SLC12A8: variants seen among roughly 807,000 people sequenced by gnomAD.
SLC12A8 encodes the protein solute carrier family 12 member 8, also known as cation-chloride cotransporter 9.
In SLC12A8, 69 loss-of-function variants were observed where a neutral mutation model predicts 75.6. The ratio of observed to expected loss-of-function variants is 0.91; its 90% CI spans 0.75 to 1.11. SLC12A8 has a LOEUF of 1.11. Among genes scored for constraint, SLC12A8 ranks in the 50% most tolerant of loss-of-function variants. The pLI, the probability that SLC12A8 is intolerant of heterozygous loss-of-function variation, is 0.00. For missense variants in SLC12A8, 877 were observed against 896.7 expected (o/e 0.98, Z 0.28); for synonymous variants, 365 against 372.8 (o/e 0.98, Z 0.24).
At chr3:125,120,186 C>T (rs1933015755) in intron 7 of SLC12A8, among the ~76,000 whole-genome samples, 1 of 152,056 alleles carries the variant, frequency 6.6e-6, no homozygotes, top group African/African-American at 2.4e-5. Flanking sequence ...TGCAGCCAAT[C>T]AGCGGCAGAG....
intron 5 of SLC12A8, among the ~76,000 whole-genome samples, chr3:125,139,711 G>A (rs1173959678): frequency 6.6e-6 from 1 of 152,214 alleles, no homozygotes; most frequent in East Asian, 1.9e-4. Flanking sequence ...GGCTAGCTAA[G>A]CATGGTGTGA....
chr3:125,096,804 T>C (rs1938722700), intron 10 of SLC12A8, among the ~76,000 whole-genome samples: 1 of 150,998 alleles, frequency 6.6e-6, no homozygotes, highest in Non-Finnish European at 1.5e-5. Context: ...ATTAATTAAA[T>C]TGTATAGTTT....
intron 5 of SLC12A8, among the ~76,000 whole-genome samples, chr3:125,153,568 G>A (rs760651405): frequency 5.9e-5 from 9 of 152,192 alleles, no homozygotes; most frequent in Non-Finnish European, 1.3e-4. Flanking sequence ...GGCAAGTGTC[G>A]CACTAAGTTC....
chr3:125,162,585 T>G (rs2107778559), intron 5 of SLC12A8, among the ~76,000 whole-genome samples: 1 of 152,320 alleles, frequency 6.6e-6, no homozygotes, highest in African/African-American at 2.4e-5. Flanking sequence ...TTCAGATTGT[T>G]TTTGGTCTTA....
chr3:125,118,922 T>C (rs2107749647), intron 7 of SLC12A8, 66 bp from the exon 8 acceptor site: 1 of 1,050,436 alleles, frequency 9.5e-7, no homozygotes, highest in Non-Finnish European at 1.5e-6. Flanking sequence ...TCCAATTCCC[T>C]CACTCAACCT....
At chr3:125,088,234 G>A (rs1245296920) in intron 13 of SLC12A8, 76 bp downstream of exon 13, 3 of 1,478,744 alleles carry the variant, frequency 2.0e-6, no homozygotes, top group Non-Finnish European at 2.8e-6. Context: ...GCCCAGCCAG[G>A]AATGGGACAC....
intron 10 of SLC12A8, among the ~76,000 whole-genome samples, chr3:125,094,651 C>A (rs563961450): frequency 6.6e-6 from 1 of 152,308 alleles, no homozygotes; most frequent in South Asian, 2.1e-4. Flanking sequence ...ATACTGTCTT[C>A]TCTCCCACCT....
At chr3:125,160,606 G>C (rs1039427739) in intron 5 of SLC12A8, among the ~76,000 whole-genome samples, 1 of 152,156 alleles carries the variant, frequency 6.6e-6, no homozygotes, top group Non-Finnish European at 1.5e-5. Context: ...TTGCAAATGC[G>C]AGTTTAGATG....
intron 5 of SLC12A8, among the ~76,000 whole-genome samples, chr3:125,148,001 G>T (rs1348963268): frequency 6.6e-6 from 1 of 152,142 alleles, no homozygotes; most frequent in Admixed American, 6.5e-5. Context: ...TGGCAACCTA[G>T]CGAGGCAGGC....
At chr3:125,084,827 T>A (rs1222393009) in intron 13 of SLC12A8, among the ~76,000 whole-genome samples, 1 of 152,188 alleles carries the variant, frequency 6.6e-6, no homozygotes, top group Non-Finnish European at 1.5e-5. Context: ...TCTTCCCGGG[T>A]CTCTTCCAGT....
chr3:125,178,124 A>G (rs1684239103), intron 4 of SLC12A8, 150 bp from the exon 5 acceptor site: 8 of 663,044 alleles, frequency 1.2e-5, no homozygotes, highest in Non-Finnish European at 2.1e-5. Flanking sequence ...GGGTTAAACC[A>G]GCCCTTCCCA....
At chr3:125,126,697 T>C (rs1933217650) in intron 6 of SLC12A8, among the ~76,000 whole-genome samples, 3 of 152,246 alleles carry the variant, frequency 2.0e-5, no homozygotes, top group Admixed American at 2.0e-4. Context: ...TTACTCTTTC[T>C]CAAGGAACTT....
At chr3:125,169,843 C>T (rs1191443745) in intron 5 of SLC12A8, among the ~76,000 whole-genome samples, 1 of 152,184 alleles carries the variant, frequency 6.6e-6, no homozygotes, top group African/African-American at 2.4e-5. Flanking sequence ...TCCCGATCAG[C>T]TCTGTGGTGC....
chr3:125,199,499 T>C (rs1457628353), intron 2 of SLC12A8, among the ~76,000 whole-genome samples: 1 of 151,766 alleles, frequency 6.6e-6, no homozygotes, highest in African/African-American at 2.4e-5. Context: ...TCCAACACTT[T>C]AGGAAGCCAA....
intron 2 of SLC12A8, among the ~76,000 whole-genome samples, chr3:125,197,148 T>C (rs1289237524): frequency 9.2e-5 from 14 of 152,166 alleles, no homozygotes; most frequent in Admixed American, 5.9e-4. Context: ...ATGACAAGGA[T>C]GTGTCAAAAG....
chr3:125,189,816 G>C (rs1243201606), intron 3 of SLC12A8, among the ~76,000 whole-genome samples: 1 of 152,154 alleles, frequency 6.6e-6, no homozygotes, highest in South Asian at 2.1e-4. Context: ...AGGATGCTTT[G>C]CATAAGAATT....
At chr3:125,095,730 A>G (rs887776655) in intron 10 of SLC12A8, among the ~76,000 whole-genome samples, 5 of 152,244 alleles carry the variant, frequency 3.3e-5, no homozygotes. Context: ...GTCCGAGGGC[A>G]TAGTGAAGTC....
chr3:125,177,774 A>T lies in SLC12A8; in HGVS notation c.591T>A (p.Phe197Leu), dbSNP rs1050475203. The T allele has an allele frequency of 3.1e-6, 5 of 1,614,088 alleles. No homozygotes were observed. In the African/African-American group the frequency reaches 6.7e-5, roughly 22 times the overall value. ...LFLLAVSTLD[F>L]VVGSFTHLDP... is the part of the protein sequence containing the mutation. ...CCAGGTGGGTGAAAGAACCCACCAC[A>T]AAGTCCAGTGTGGACACGGCCAGCA... Residue 197 changes from phenylalanine (F) to leucine (L), a missense_variant, in exon 5 of 14, where the codon TTT (phenylalanine) becomes TTA (leucine). Phe to Leu is a conservative substitution (Grantham distance 22, BLOSUM62 0). Coordinates refer to ENST00000469902, the MANE Select transcript of SLC12A8 (RefSeq NM_024628.6).
intron 5 of SLC12A8, among the ~76,000 whole-genome samples, chr3:125,176,526 A>C (rs1020422933): frequency 1.3e-5 from 2 of 152,244 alleles, no homozygotes; most frequent in Non-Finnish European, 1.5e-5. Context: ...CCACCATCAG[A>C]GTGAACAGGC....
Sources: allele counts gnomAD v4.1 joint callset (sites outside exome capture counted in the v4.1 genomes callset), GRCh38; gene constraint gnomAD v4.1.1; transcripts MANE v1.5; gene names NCBI Gene and HGNC (gene_info 2026-07-23, HGNC 2026-07-21).